Variants in DOCK8 observed in about 807,000 individuals in gnomAD.
DOCK8 encodes the protein dedicator of cytokinesis 8, also known as dedicator of cytokinesis protein 8.
Under a neutral mutation model 245.6 loss-of-function variants are expected in DOCK8, and 141 were observed. The ratio of observed to expected loss-of-function variants is 0.57; its 90% confidence interval spans 0.50 to 0.66. The LOEUF is 0.66. DOCK8 is among the 30% of genes least tolerant of loss of function. The probability of loss-of-function intolerance (pLI) is 0.00; values close to 1 mark genes in which losing one functional copy is unlikely to be tolerated. For synonymous variants in DOCK8, 1,168 were observed against 970.2 expected (o/e 1.20, Z -3.79); for missense variants, 2,965 against 2,603.4 (o/e 1.14, Z -3.02).
intron 41 of DOCK8, among the ~76,000 whole-genome samples, 156 bp from the exon 42 acceptor site, chr9:441,719 C>T (rs972222288): frequency 6.6e-6 from 1 of 152,152 alleles, no homozygotes; most frequent in Admixed American, 6.5e-5. Flanking sequence ...AAGTTTATTC[C>T]ATAAGCATTA....
At chr9:387,664 T>C (rs752035442) in intron 23 of DOCK8, among the ~76,000 whole-genome samples, 14 of 152,110 alleles carry the variant, frequency 9.2e-5, no homozygotes, top group Non-Finnish European at 1.8e-4. Context: ...ACCATATGTC[T>C]AGTGAGAGGT....
At position 336,684 on chromosome 9, in the gene DOCK8, C is replaced by A. The variant is rs138599749; in HGVS notation, c.1388C>A (p.Thr463Asn). 3.1e-6 allele frequency: 5 copies of A among 1,613,976 alleles called. No individual in the cohort carries two copies. In the African/African-American group the frequency reaches 5.3e-5, roughly 17 times the overall value. The change falls in exon 12 of 48, where the codon ACC becomes AAC. Residue 463 changes from threonine to asparagine, a missense_variant. Thr to Asn is a moderately conservative substitution (Grantham distance 65, BLOSUM62 0). Coordinates refer to ENST00000432829, the MANE Select transcript of DOCK8 (RefSeq NM_203447.4). The part of the protein sequence containing the change: ...EENGVGSNFK[T>N]STLSVSSFFK... ...AATGGGGTTGGATCCAACTTCAAAACCTCCACTCTGAGCGTTAGCAGCTTT... is the reference window on the plus strand; with the variant it reads ...AATGGGGTTGGATCCAACTTCAAAAACTCCACTCTGAGCGTTAGCAGCTTT...
At chr9:246,220 A>T (rs1394765087) in intron 1 of DOCK8, among the ~76,000 whole-genome samples, 1 of 149,362 alleles carries the variant, frequency 6.7e-6, no homozygotes, top group Admixed American at 6.7e-5. Context: ...CCCATCTCAG[A>T]AAAAAAAAAT....
intron 2 of DOCK8, chr9:272,922 C>A: frequency 2.2e-6 from 1 of 459,120 alleles, no homozygotes; most frequent in Non-Finnish European, 2.9e-6. Context: ...CACAGCACAG[C>A]AGCACTCTTG....
rs1273191796 is a variant in DOCK8 at position 279,099 on chromosome 9, G to A, written c.157-7362G>A. On this transcript the variant is annotated intron_variant, in intron 2 of 47. Transcript: ENST00000432829. The stretch of plus-strand genomic sequence containing the variant: ...AGAAAGTGGATAGGATTTTCTGATG[G>A]GTGATATGTAGAGTGTAGGAGAAAG... Among the ~76,000 whole-genome samples the A allele has an allele frequency of 1.3e-5, 2 of 152,174 alleles. 1 individual carries two copies. The highest frequency in any genetic ancestry group is 2.9e-5 in the Non-Finnish European group (2 of 68,038).
chr9:413,051 A>G (rs60400047), intron 28 of DOCK8, among the ~76,000 whole-genome samples: 64,967 of 151,912 alleles, frequency 0.43, 14,613 homozygotes, highest in African/African-American at 0.56. Flanking sequence ...GGGTTCTGAC[A>G]TATGATAGAC....
intron 1 of DOCK8, among the ~76,000 whole-genome samples, chr9:225,328 G>A (rs1160890078): frequency 6.6e-6 from 1 of 152,158 alleles, no homozygotes; most frequent in African/African-American, 2.4e-5. Flanking sequence ...TCTCAGCTGG[G>A]CCCTGAAGGG....
chr9:249,171 C>A (rs943546850), intron 1 of DOCK8, among the ~76,000 whole-genome samples: 2 of 152,222 alleles, frequency 1.3e-5, no homozygotes, highest in African/African-American at 4.8e-5. Flanking sequence ...CAACAAATGG[C>A]AAACTTTCAA....
chr9:433,816 C>A lies in DOCK8; in HGVS notation c.4786-59C>A, dbSNP rs79332955. On this transcript the variant is annotated intron_variant, in intron 37 of 47. Transcript: ENST00000432829. ...CTTCCCCTTGCATTTCAATGTAATC[C>A]TAACTCTTCACCTGGGACTACAAAG... 3.1e-5 allele frequency: 43 copies of A among 1,404,764 alleles called. No homozygotes were observed. The African/African-American group carries it at 4.2e-4, about 14-fold the overall frequency. 87.0% of individuals were successfully genotyped at this position (1,404,764 alleles called of 1,614,324 possible). A position where few individuals can be genotyped will look rare whatever the true frequency, so the allele number is the denominator to read the frequency against.
chr9:418,359 C>T, intron 30 of DOCK8, 152 bp downstream of exon 30: 1 of 1,071,466 alleles, frequency 9.3e-7, no homozygotes, highest in Non-Finnish European at 1.4e-6. Context: ...GCAACCTCCG[C>T]CTCCCGGGTT....
chr9:246,363 T>A (rs2047506096), intron 1 of DOCK8, among the ~76,000 whole-genome samples: 1 of 149,990 alleles, frequency 6.7e-6, no homozygotes, highest in Non-Finnish European at 1.5e-5. Context: ...TACAAAAAAA[T>A]TAAAATTAAA....
intron 14 of DOCK8, among the ~76,000 whole-genome samples, chr9:341,070 A>C (rs942487722): frequency 3.9e-5 from 6 of 152,250 alleles, no homozygotes; most frequent in African/African-American, 1.4e-4. Context: ...TAGCATTTAC[A>C]GCAATAACAG....
intron 1 of DOCK8, chr9:268,315 A>G (rs2048080438): frequency 6.6e-6 from 1 of 152,244 alleles, no homozygotes; most frequent in Non-Finnish European, 1.5e-5. Context: ...GTATTGGGTT[A>G]GGCTCAAAGA....
At position 346,230 on chromosome 9, in the gene DOCK8, T is replaced by G. The variant is rs182629357; in HGVS notation, c.1679+5909T>G. On this transcript the variant is annotated intron_variant, in intron 14 of 47. Transcript: ENST00000432829. ...GGCGTTCCTTGCTCTGTGTCCAGAT[T>G]AAGAAAATGCTAGTGGTTTGCCTAG... Among the ~76,000 whole-genome samples the G allele has an allele frequency of 4.6e-5, 7 of 152,246 alleles. No individual in the cohort carries two copies. In the East Asian group the frequency reaches 1.4e-3, roughly 30 times the overall value.
intron 20 of DOCK8, among the ~76,000 whole-genome samples, chr9:378,817 T>A (rs2053621551): frequency 6.6e-6 from 1 of 152,202 alleles, no homozygotes; most frequent in South Asian, 2.1e-4. Context: ...GTCTCTGCAA[T>A]GGAAAGCACA....
intron 33 of DOCK8, among the ~76,000 whole-genome samples, chr9:423,214 A>C (rs958260101): frequency 6.6e-6 from 1 of 152,188 alleles, no homozygotes. Flanking sequence ...GAAAGAATAA[A>C]AAAACCTGTT....
chr9:426,844 G>A, intron 33 of DOCK8, 41 bp from the exon 34 acceptor site: 1 of 1,569,674 alleles, frequency 6.4e-7, no homozygotes, highest in Non-Finnish European at 8.8e-7. Flanking sequence ...ACCTGGCCAG[G>A]TTTGACATGC....
intron 36 of DOCK8, among the ~76,000 whole-genome samples, chr9:431,296 G>A (rs1418023333): frequency 6.6e-6 from 1 of 152,166 alleles, no homozygotes; most frequent in Middle Eastern, 3.2e-3. Context: ...TTGTGGCCAT[G>A]TTAATAAGTA....
intron 14 of DOCK8, among the ~76,000 whole-genome samples, chr9:350,106 C>A (rs72703506): frequency 6.6e-6 from 1 of 152,000 alleles, no homozygotes. Context: ...TTTTCTCATG[C>A]CCTTCTTTCA....
Sources: allele counts gnomAD v4.1 joint callset (sites outside exome capture counted in the v4.1 genomes callset), GRCh38; gene constraint gnomAD v4.1.1; transcripts MANE v1.5; gene names NCBI Gene and HGNC (gene_info 2026-07-23, HGNC 2026-07-21).